The following SLCO5A1 variants were observed in gnomAD, a reference collection of about 807,000 sequenced individuals.
The protein encoded by SLCO5A1 is solute carrier organic anion transporter family member 5A1, also known as organic anion transporter polypeptide-related protein 4.
A neutral mutation model predicts 65.1 loss-of-function variants in SLCO5A1; 39 were observed. That is an observed-to-expected ratio of 0.60 (90% CI 0.46 to 0.78). The LOEUF (loss-of-function observed/expected upper bound fraction) is 0.78, where lower values mean the gene tolerates loss of function less well. SLCO5A1 is among the 30% of genes least tolerant of loss of function. The probability of loss-of-function intolerance (pLI) is 0.00; values close to 1 mark genes in which losing one functional copy is unlikely to be tolerated. For missense variants in SLCO5A1, 1,029 were observed against 1,069.4 expected (o/e 0.96, Z 0.53); for synonymous variants, 438 against 415.7 (o/e 1.05, Z -0.65).
At chr8:69,790,903 G>GA (rs1819240411) in intron 2 of SLCO5A1, among the ~76,000 whole-genome samples, 1 of 152,124 alleles carries the variant, frequency 6.6e-6, no homozygotes, top group East Asian at 1.9e-4. Context: ...GAACCAGAAA[G>GA]AAAAAAGGCC....
intron 4 of SLCO5A1, among the ~76,000 whole-genome samples, chr8:69,747,203 CTACCAGCGG>C (rs1268484688): frequency 1.3e-4 from 20 of 152,190 alleles, no homozygotes; most frequent in African/African-American, 4.8e-4. Flanking sequence ...GTAATTTATT[CTACCAGCGG>C]TATTAACCTC....
Position 69,705,053 on chromosome 8 carries a change from T to TG in SLCO5A1, c.1599dup (p.Ile534HisfsTer16). ...TACCCTGTTGTATAAGGGATGTTTA[T>TG]GCCCCCTAGATTAATGCTTTCACAT... On this transcript the variant is annotated frameshift_variant, in exon 6 of 10. Transcript: ENST00000260126. LOFTEE classifies it high-confidence loss of function. The TG allele has an allele frequency of 6.2e-7, 1 of 1,613,096 alleles. No homozygotes were observed.
chr8:69,752,161 G>A (rs1455427917), intron 4 of SLCO5A1, among the ~76,000 whole-genome samples: 2 of 152,162 alleles, frequency 1.3e-5, no homozygotes, highest in African/African-American at 4.8e-5. Flanking sequence ...AGCCTGGGAG[G>A]TTGAGGCTGC....
intron 2 of SLCO5A1, among the ~76,000 whole-genome samples, chr8:69,822,300 C>A (rs752572988): frequency 6.6e-6 from 1 of 152,108 alleles, no homozygotes; most frequent in African/African-American, 2.4e-5. Flanking sequence ...TTCAAAGGAG[C>A]TTTTACTGTC....
chr8:69,692,457 C>A (rs757697437), intron 6 of SLCO5A1, among the ~76,000 whole-genome samples: 5 of 152,162 alleles, frequency 3.3e-5, no homozygotes, highest in Non-Finnish European at 7.3e-5. Context: ...TTAAAAACCA[C>A]AGTTCTTTCT....
intron 2 of SLCO5A1, among the ~76,000 whole-genome samples, chr8:69,790,352 G>A (rs1204177832): frequency 1.3e-5 from 2 of 151,814 alleles, no homozygotes; most frequent in Non-Finnish European, 2.9e-5. Flanking sequence ...CACCTACTAT[G>A]TACCCACAAA....
Position 69,672,977 on chromosome 8 carries a change from C to T in SLCO5A1, c.2439G>A (p.Gly813=). The change falls in exon 10 of 10, where the codon GGG becomes GGA. Residue 813 remains glycine (G), a synonymous_variant. Coordinates refer to ENST00000260126, the MANE Select transcript of SLCO5A1 (RefSeq NM_030958.3). ...GGTAGGTCTGTGCTGCGCACTGGAT[C>T]CCTTTTTGCAGGCCAGTCTCTTCGT... The part of the protein sequence containing the change: ...EFHEETGLQK[G]IQCAAQTYPG... The T allele has an allele frequency of 6.2e-7, 1 of 1,614,222 alleles. No homozygotes were observed. Among genetic ancestry groups the T allele is most frequent in the Non-Finnish European group, 8.5e-7 (1 of 1,180,044 alleles).
chr8:69,682,348 G>C lies in SLCO5A1; in HGVS notation c.1623-5C>G, dbSNP rs1274637238. ...TGGGGCATGGTGAGAGAAGGTCTAA[G>C]AGAGAAGAGAAGCAGATCATGAGCA... On this transcript the variant is annotated splice_region_variant and splice_polypyrimidine_tract_variant and intron_variant, in intron 6 of 9. Transcript: ENST00000260126. The C allele has an allele frequency of 6.4e-7, 1 of 1,563,922 alleles. No homozygotes were observed. The highest frequency in any genetic ancestry group is 2.4e-5 in the East Asian group (1 of 41,952).
In SLCO5A1 at chr8:69,754,004, CAA is replaced by C. The variant is rs71556780; in HGVS notation, c.1258+1418_1258+1419del. Among the ~76,000 whole-genome samples the C allele has an allele frequency of 7.6e-3, 557 of 73,456 alleles. 3 individuals carry two copies. The highest frequency in any genetic ancestry group is 0.018 in the African/African-American group (386 of 21,054). 48.2% of individuals were successfully genotyped at this position (73,456 alleles called of 152,430 possible). A position where few individuals can be genotyped will look rare whatever the true frequency, so the allele number is the denominator to read the frequency against. ...GCACTCCAGCCTGGGTGACCTATCT[CAA>C]AAAAAAAAAAAAAAAAAAAAGAATC... On this transcript the variant is annotated intron_variant, in intron 4 of 9. Coordinates refer to ENST00000260126, the MANE Select transcript of SLCO5A1 (RefSeq NM_030958.3).
intron 2 of SLCO5A1, among the ~76,000 whole-genome samples, chr8:69,781,666 GT>G (rs1002598553): frequency 6.7e-6 from 1 of 150,370 alleles, no homozygotes; most frequent in Non-Finnish European, 1.5e-5. Context: ...TTTGTTTTTT[GT>G]TTTTTTTGAG....
intron 6 of SLCO5A1, among the ~76,000 whole-genome samples, chr8:69,692,777 A>G (rs192112658): frequency 6.6e-6 from 1 of 152,304 alleles, no homozygotes; most frequent in Admixed American, 6.5e-5. Flanking sequence ...CATAACATGC[A>G]TGGAGCTGTC....
At chr8:69,819,500 T>C (rs1393168109) in intron 2 of SLCO5A1, among the ~76,000 whole-genome samples, 2 of 152,182 alleles carry the variant, frequency 1.3e-5, no homozygotes, top group African/African-American at 4.8e-5. Context: ...TTTTTAAAAG[T>C]GATATTTTGG....
At chr8:69,778,707 G>A (rs549725550) in intron 2 of SLCO5A1, among the ~76,000 whole-genome samples, 1 of 152,292 alleles carries the variant, frequency 6.6e-6, no homozygotes, top group African/African-American at 2.4e-5. Context: ...TTTGTGTAAA[G>A]TTAGGACAAA....
chr8:69,761,462 C>T (rs1252736593), intron 3 of SLCO5A1: 1 of 329,530 alleles, frequency 3.0e-6, no homozygotes, highest in East Asian at 7.3e-5. Context: ...TTCCGTCTTT[C>T]CTTTGATTAC....
intron 6 of SLCO5A1, among the ~76,000 whole-genome samples, chr8:69,684,192 A>G (rs950995036): frequency 5.3e-5 from 8 of 152,308 alleles, no homozygotes; most frequent in Middle Eastern, 3.4e-3. Context: ...TACCTAAAAA[A>G]ATATTATTCT....
At chr8:69,784,338 A>G (rs573881699) in intron 2 of SLCO5A1, among the ~76,000 whole-genome samples, 70 of 152,330 alleles carry the variant, frequency 4.6e-4, no homozygotes, top group African/African-American at 1.6e-3. Flanking sequence ...AATAAAAGCA[A>G]TAAGATACCA....
chr8:69,707,401 G>A (rs1202669722), intron 5 of SLCO5A1, among the ~76,000 whole-genome samples: 1 of 152,092 alleles, frequency 6.6e-6, no homozygotes, highest in Non-Finnish European at 1.5e-5. Context: ...CAAAGAAAAT[G>A]TCTGCACAAA....
At chr8:69,708,376 T>G (rs913216139) in intron 5 of SLCO5A1, among the ~76,000 whole-genome samples, 3 of 152,124 alleles carry the variant, frequency 2.0e-5, no homozygotes, top group African/African-American at 7.2e-5. Flanking sequence ...ATACAGTATA[T>G]AGTATTCGGT....
rs1203117639 is a variant in SLCO5A1 at position 69,669,391 on chromosome 8, A to G, written c.*3478T>C. On this transcript the variant is annotated 3_prime_UTR_variant, in exon 10 of 10. Transcript: ENST00000260126. Reference sequence around the variant, plus strand: ...TTGTTAACCAAAAGCTATTGTATACATTGCGTAGTGTAAAAAATGAATAAT... The same window carrying G: ...TTGTTAACCAAAAGCTATTGTATACGTTGCGTAGTGTAAAAAATGAATAAT... 4 of 152,202 alleles carry G rather than the reference A, an allele frequency of 2.6e-5. No individual in the cohort carries two copies. Among genetic ancestry groups the G allele is most frequent in the Admixed American group, 6.5e-5 (1 of 15,272 alleles). 9.4% of individuals were successfully genotyped at this position (152,202 alleles called of 1,614,324 possible).
Sources: gnomAD v4.1 joint callset for allele counts (sites outside exome capture counted in the v4.1 genomes callset) on GRCh38, gnomAD v4.1.1 for gene constraint, MANE v1.5 for transcripts, NCBI Gene and HGNC (gene_info 2026-07-23, HGNC 2026-07-21) for gene names.